Variants in GRM5 observed in about 807,000 individuals in gnomAD.
GRM5 encodes the protein glutamate metabotropic receptor 5.
In GRM5, 19 loss-of-function variants were observed where a neutral mutation model predicts 83.1. That is an observed-to-expected ratio of 0.23 (90% CI 0.16 to 0.34). The LOEUF is 0.34. Ranked by LOEUF, GRM5 falls within the 10% of genes least tolerant of loss-of-function variation. GRM5 has a pLI of 1.00. For missense variants in GRM5, 1,160 were observed against 1,588.3 expected, an observed-to-expected ratio of 0.73 and a Z score of 4.58; for synonymous variants, 675 against 633.6, an observed-to-expected ratio of 1.07 and a Z score of -0.98.
At chr11:88,884,787 T>G (rs1945014693) in intron 2 of GRM5, among the ~76,000 whole-genome samples, 1 of 152,146 alleles carries the variant, frequency 6.6e-6, no homozygotes, top group African/African-American at 2.4e-5. Flanking sequence ...CTGCACATGC[T>G]CTCTCTCTTG....
intron 2 of GRM5, among the ~76,000 whole-genome samples, chr11:88,906,116 T>C (rs1278069897): frequency 6.6e-6 from 1 of 152,198 alleles, no homozygotes; most frequent in Non-Finnish European, 1.5e-5. Context: ...AAATTAATTT[T>C]ACAGTGTCTC....
At chr11:88,572,594 A>C (rs11020481) in intron 7 of GRM5, among the ~76,000 whole-genome samples, 8,086 of 152,204 alleles carry the variant, frequency 0.053, 686 homozygotes, top group African/African-American at 0.18. Context: ...AACATGAAAC[A>C]AGGTCTACCA....
At chr11:89,044,154 T>C (rs1325783687) in intron 2 of GRM5, among the ~76,000 whole-genome samples, 1 of 152,200 alleles carries the variant, frequency 6.6e-6, no homozygotes. Context: ...TTACATTTCC[T>C]TAGTGCAGAG....
chr11:88,651,283 G>C (rs918299400), intron 4 of GRM5, among the ~76,000 whole-genome samples: 2 of 152,030 alleles, frequency 1.3e-5, no homozygotes, highest in African/African-American at 4.8e-5. Flanking sequence ...CCAAAAAACA[G>C]TGGGAAAAGA....
At chr11:88,704,284 A>C (rs571379193) in intron 3 of GRM5, among the ~76,000 whole-genome samples, 2 of 152,194 alleles carry the variant, frequency 1.3e-5, no homozygotes, top group East Asian at 3.9e-4. Flanking sequence ...AGCAGTACCT[A>C]TTTTAAGAAA....
At chr11:88,527,705 G>A (rs1031252031) in intron 8 of GRM5, among the ~76,000 whole-genome samples, 2 of 151,834 alleles carry the variant, frequency 1.3e-5, no homozygotes, top group East Asian at 1.9e-4. Context: ...GCCCATCAAC[G>A]GTAAAATGGA....
chr11:88,737,617 C>CAACA (rs1293953317), intron 3 of GRM5, among the ~76,000 whole-genome samples: 1 of 151,844 alleles, frequency 6.6e-6, no homozygotes, highest in Non-Finnish European at 1.5e-5. Context: ...AGTATGGAGA[C>CAACA]AACAACAAAA....
At chr11:88,735,380 C>T (rs1941890884) in intron 3 of GRM5, among the ~76,000 whole-genome samples, 1 of 152,004 alleles carries the variant, frequency 6.6e-6, no homozygotes, top group Non-Finnish European at 1.5e-5. Flanking sequence ...GTTTTCTGTG[C>T]CCATTACCTT....
At position 88,711,620 on chromosome 11, in the gene GRM5, A is replaced by G. The variant is rs76863666; in HGVS notation, c.912-58217T>C. ...CCATAAACAAGTCATATCATCTCTC[A>G]GTTTCTTCATCTATAAAATATGAAT... On this transcript the variant is annotated intron_variant, in intron 3 of 9. Coordinates refer to ENST00000305447, the MANE Select transcript of GRM5 (RefSeq NM_001143831.3). Among the ~76,000 whole-genome samples, 727 of 152,166 alleles carry G rather than the reference A, an allele frequency of 4.8e-3. 5 individuals carry two copies. Among genetic ancestry groups the G allele is most frequent in the Middle Eastern group, 0.027 (8 of 294 alleles).
chr11:88,753,179 G>A (rs1942319501), intron 3 of GRM5, among the ~76,000 whole-genome samples: 1 of 152,050 alleles, frequency 6.6e-6, no homozygotes, highest in South Asian at 2.1e-4. Flanking sequence ...CCTACAGATT[G>A]GGGGAAATTT....
At chr11:88,823,572 A>G (rs1943839845) in intron 3 of GRM5, among the ~76,000 whole-genome samples, 1 of 151,180 alleles carries the variant, frequency 6.6e-6, no homozygotes, top group South Asian at 2.1e-4. Flanking sequence ...GGACCTGTCT[A>G]TTGTAGATTT....
At chr11:88,713,908 A>G (rs1274962736) in intron 3 of GRM5, among the ~76,000 whole-genome samples, 1 of 151,988 alleles carries the variant, frequency 6.6e-6, no homozygotes, top group Non-Finnish European at 1.5e-5. Flanking sequence ...ATTTCTTTCA[A>G]TTGCTTTCAA....
chr11:88,621,217 G>C (rs1023684915), intron 4 of GRM5, among the ~76,000 whole-genome samples: 2 of 152,170 alleles, frequency 1.3e-5, no homozygotes, highest in African/African-American at 4.8e-5. Context: ...CAAACTCCTA[G>C]ACCAGACTTT....
At chr11:88,889,276 G>C (rs1712026921) in intron 2 of GRM5, among the ~76,000 whole-genome samples, 1 of 152,016 alleles carries the variant, frequency 6.6e-6, no homozygotes, top group African/African-American at 2.4e-5. Context: ...CTTTGTTTTA[G>C]AGTCTAAACT....
At chr11:88,797,111 A>G (rs997248548) in intron 3 of GRM5, among the ~76,000 whole-genome samples, 97 of 151,940 alleles carry the variant, frequency 6.4e-4, no homozygotes, top group African/African-American at 2.3e-3. Flanking sequence ...ACATGAGAAG[A>G]CTGGATTCTT....
At chr11:89,039,115 A>G (rs1295843293) in intron 2 of GRM5, among the ~76,000 whole-genome samples, 1 of 151,936 alleles carries the variant, frequency 6.6e-6, no homozygotes, top group African/African-American at 2.4e-5. Context: ...AATACAAAAA[A>G]TTAGCTGGGC....
chr11:88,688,317 C>T (rs1183154521), intron 3 of GRM5, among the ~76,000 whole-genome samples: 2 of 152,124 alleles, frequency 1.3e-5, no homozygotes, highest in African/African-American at 4.8e-5. Context: ...CTTAATTGTA[C>T]TTAATATTAA....
intron 2 of GRM5, among the ~76,000 whole-genome samples, chr11:88,925,410 C>T (rs1461415259): frequency 3.3e-5 from 5 of 151,994 alleles, no homozygotes; most frequent in Admixed American, 3.3e-4. Context: ...TATGCTTGGC[C>T]CCATTAGCAA....
chr11:88,597,079 A>G, intron 6 of GRM5, 105 bp downstream of exon 6: 1 of 654,198 alleles, frequency 1.5e-6, no homozygotes, highest in Non-Finnish European at 2.5e-6. Flanking sequence ...AGAAGCTTAC[A>G]ATATAAAAAG....
Sources: allele counts gnomAD v4.1 joint callset (sites outside exome capture counted in the v4.1 genomes callset), GRCh38; gene constraint gnomAD v4.1.1; transcripts MANE v1.5; gene names NCBI Gene and HGNC (gene_info 2026-07-23, HGNC 2026-07-21).